The following PRKN variants were observed in gnomAD, a reference collection of about 807,000 sequenced individuals.
The protein encoded by PRKN is parkin RBR E3 ubiquitin protein ligase.
PRKN carries 56 observed loss-of-function variants against 59.5 expected under a neutral mutation model. That is an observed-to-expected ratio of 0.94 (90% confidence interval 0.76 to 1.18). PRKN has a LOEUF of 1.18. Among genes scored for constraint, PRKN ranks in the 50% most tolerant of loss-of-function variants. The pLI, the probability that PRKN is intolerant of heterozygous loss-of-function variation, is 0.00. For missense variants in PRKN, 657 were observed against 596.4 expected (o/e 1.10, Z -1.06); for synonymous variants, 250 against 222.1 (o/e 1.13, Z -1.12).
At chr6:162,684,318 G>C (rs2128233553) in intron 1 of PRKN, among the ~76,000 whole-genome samples, 1 of 152,108 alleles carries the variant, frequency 6.6e-6, no homozygotes, top group Admixed American at 6.6e-5. Context: ...AATCAAGGCA[G>C]CAGAAAGTGT....
chr6:162,250,916 T>G (rs1046635110), intron 3 of PRKN, among the ~76,000 whole-genome samples: 1 of 152,124 alleles, frequency 6.6e-6, no homozygotes, highest in Non-Finnish European at 1.5e-5. Flanking sequence ...TTAGCAAAAT[T>G]ATGACTTGTT....
Position 161,581,988 on chromosome 6 carries a change from A to G in PRKN, c.872-12572T>C, listed in dbSNP as rs1583257065. 1.3e-5 allele frequency among the ~76,000 whole-genome samples: 2 copies of G among 152,150 alleles called. No homozygotes were observed. Among genetic ancestry groups the G allele is most frequent in the Admixed American group, 1.3e-4 (2 of 15,274 alleles). ...ATATCCACTCTCTTGTCTATTTTACATTATAACACCTCCAGATCAGAGAAG... is the reference window on the plus strand; with the variant it reads ...ATATCCACTCTCTTGTCTATTTTACGTTATAACACCTCCAGATCAGAGAAG... On this transcript the variant is annotated intron_variant, in intron 7 of 11. Coordinates refer to ENST00000366898, the MANE Select transcript of PRKN (RefSeq NM_004562.3). The surrounding 1 kb of genome is among the most constrained non-coding windows in gnomAD (Gnocchi z 4.5).
At chr6:161,870,644 T>C (rs925414569) in intron 6 of PRKN, among the ~76,000 whole-genome samples, 1 of 152,162 alleles carries the variant, frequency 6.6e-6, no homozygotes, top group African/African-American at 2.4e-5. Context: ...TGAGTAAATA[T>C]ATCAGTAGAG....
chr6:162,501,299 C>T (rs1015493173), intron 1 of PRKN, among the ~76,000 whole-genome samples: 10 of 151,766 alleles, frequency 6.6e-5, no homozygotes, highest in African/African-American at 1.7e-4. Context: ...TCAGGCCAGG[C>T]CTCGTGAAAT....
chr6:162,084,681 T>C (rs1368072310), intron 4 of PRKN, among the ~76,000 whole-genome samples: 1 of 152,124 alleles, frequency 6.6e-6, no homozygotes, highest in African/African-American at 2.4e-5. Flanking sequence ...CTATATTCAA[T>C]GAAAGTATAC....
At chr6:162,658,363 T>C (rs1003810168) in intron 1 of PRKN, among the ~76,000 whole-genome samples, 1 of 152,134 alleles carries the variant, frequency 6.6e-6, no homozygotes, top group Non-Finnish European at 1.5e-5. Flanking sequence ...ATAGCCATAG[T>C]AACCTATGAT....
Position 162,077,015 on chromosome 6 carries a change from G to A in PRKN, c.535-22841C>T, listed in dbSNP as rs575981023. On this transcript the variant is annotated intron_variant, in intron 4 of 11. Transcript: ENST00000366898. Reference sequence around the variant, plus strand: ...GCCGTCCACACACTCTCTGCATGATGAGTGTGTCACTTCAGTCAGAGGGAA... The same window carrying A: ...GCCGTCCACACACTCTCTGCATGATAAGTGTGTCACTTCAGTCAGAGGGAA... Among the ~76,000 whole-genome samples the A allele has an allele frequency of 1.4e-4, 22 of 152,164 alleles. 1 individual carries two copies. Among genetic ancestry groups the A allele is most frequent in the African/African-American group, 5.1e-4 (21 of 41,448 alleles).
rs1347164786 is a variant in PRKN, at chr6:161,576,478, A to G, written c.872-7062T>C. On this transcript the variant is annotated intron_variant, in intron 7 of 11. Coordinates refer to ENST00000366898, the MANE Select transcript of PRKN (RefSeq NM_004562.3). The surrounding 1 kb of genome is among the most constrained non-coding windows in gnomAD (Gnocchi z 4.6). The stretch of plus-strand genomic sequence containing the variant: ...ACATTTTTGTAATAACAGCAACAAC[A>G]AAACGACACATCTAAAATGACCATC... 3.3e-5 allele frequency among the ~76,000 whole-genome samples: 5 copies of G among 152,246 alleles called. No individual in the cohort carries two copies. The highest frequency in any genetic ancestry group is 1.2e-4 in the African/African-American group (5 of 41,468).
At chr6:162,623,002 CA>C (rs755585657) in intron 1 of PRKN, among the ~76,000 whole-genome samples, 6 of 151,746 alleles carry the variant, frequency 4.0e-5, no homozygotes, top group Non-Finnish European at 7.4e-5. Context: ...CAAAAACAAA[CA>C]AAAAAAACCT....
In PRKN at chr6:161,579,273, G is replaced by A. The variant is rs1781249642; in HGVS notation, c.872-9857C>T. Among the ~76,000 whole-genome samples, 1 of 152,200 alleles carries A rather than the reference G, an allele frequency of 6.6e-6. No individual in the cohort carries two copies. Among genetic ancestry groups the A allele is most frequent in the Non-Finnish European group, 1.5e-5 (1 of 68,032 alleles). ...TGGGGGAAAGAGAATCTGTGGGACT[G>A]TCATCCCCCAAGTGGGTGTAACCAA... is the stretch of plus-strand genomic sequence containing the variant. On this transcript the variant is annotated intron_variant, in intron 7 of 11. Transcript: ENST00000366898. The surrounding 1 kb of genome is among the most constrained non-coding windows in gnomAD (Gnocchi z 4.2).
intron 7 of PRKN, among the ~76,000 whole-genome samples, chr6:161,759,486 ATTCT>A (rs1789098648): frequency 1.1e-5 from 1 of 87,860 alleles, no homozygotes; most frequent in South Asian, 6.2e-4. Context: ...AAAAACCAGG[ATTCT>A]TTGTGTCTTC....
chr6:162,030,738 GA>G (rs1562471969), intron 5 of PRKN, among the ~76,000 whole-genome samples: 2 of 152,200 alleles, frequency 1.3e-5, no homozygotes, highest in African/African-American at 2.4e-5. Flanking sequence ...GAAGACAAGG[GA>G]GCAAGGTGCT....
At chr6:162,034,784 C>G (rs1307985351) in intron 5 of PRKN, among the ~76,000 whole-genome samples, 3 of 152,162 alleles carry the variant, frequency 2.0e-5, no homozygotes, top group Non-Finnish European at 4.4e-5. Context: ...CTAACTTTTT[C>G]AGTCAGGAAA....
At chr6:162,189,517 C>G (rs1784179927) in intron 4 of PRKN, among the ~76,000 whole-genome samples, 1 of 150,786 alleles carries the variant, frequency 6.6e-6, no homozygotes, top group Non-Finnish European at 1.5e-5. Flanking sequence ...CATGAAACAT[C>G]TTAAACATCA....
At chr6:162,336,158 T>C (rs1246392342) in intron 2 of PRKN, among the ~76,000 whole-genome samples, 1 of 152,106 alleles carries the variant, frequency 6.6e-6, no homozygotes, top group Non-Finnish European at 1.5e-5. Flanking sequence ...GAAGACTGTT[T>C]GTCATTTTTC....
chr6:162,451,450 C>G (rs933529339), intron 1 of PRKN, among the ~76,000 whole-genome samples: 15 of 151,188 alleles, frequency 9.9e-5, no homozygotes, highest in Admixed American at 3.3e-4. Context: ...AGGAATCAGG[C>G]CGGGCATGGT....
At chr6:162,365,895 T>C (rs1383401728) in intron 2 of PRKN, among the ~76,000 whole-genome samples, 1 of 152,216 alleles carries the variant, frequency 6.6e-6, no homozygotes, top group South Asian at 2.1e-4. Flanking sequence ...TGCCACATCA[T>C]AGGCTCTCAA....
chr6:162,139,273 C>T (rs1031554817), intron 4 of PRKN, among the ~76,000 whole-genome samples: 10 of 152,174 alleles, frequency 6.6e-5, no homozygotes, highest in Non-Finnish European at 1.5e-4. Context: ...ACTAACACGC[C>T]TTAATTAACC....
chr6:162,208,875 T>C (rs1258813737), intron 3 of PRKN, among the ~76,000 whole-genome samples: 1 of 152,148 alleles, frequency 6.6e-6, no homozygotes, highest in East Asian at 1.9e-4. Flanking sequence ...GCAGCACCTA[T>C]GGGAAAACTG....
Sources: allele counts gnomAD v4.1 joint callset (sites outside exome capture counted in the v4.1 genomes callset), GRCh38; gene constraint gnomAD v4.1.1; non-coding constraint Gnocchi (gnomAD v3.1); transcripts MANE v1.5; gene names NCBI Gene and HGNC (gene_info 2026-07-23, HGNC 2026-07-21).